PRKCE: variants seen among roughly 807,000 people sequenced by gnomAD.
PRKCE encodes protein kinase C epsilon.
PRKCE carries 16 observed loss-of-function variants against 85.4 expected under a neutral mutation model. The ratio of observed to expected loss-of-function variants is 0.19; its 90% CI spans 0.13 to 0.28. PRKCE has a LOEUF of 0.28. Among genes scored for constraint, PRKCE ranks in the 10% least tolerant of loss-of-function variants. PRKCE has a pLI of 1.00. For missense variants in PRKCE, 573 were observed against 975.2 expected (o/e 0.59, Z 5.49); for synonymous variants, 388 against 371.5 (o/e 1.04, Z -0.51).
In PRKCE at chr2:45,895,883, G is replaced by T. The variant is rs576230629; in HGVS notation, c.412+52820G>T. 5.9e-5 allele frequency among the ~76,000 whole-genome samples: 9 copies of T among 152,294 alleles called. No homozygotes were observed. The East Asian group carries it at 1.7e-3, about 29-fold the overall frequency. On this transcript the variant is annotated intron_variant, in intron 2 of 14. Transcript: ENST00000306156. This position sits in a 1 kb window ranked among gnomAD's most constrained non-coding sequence, Gnocchi z 4.8. ...GAAGGGTGGAGGATGCAGGCAAGGG[G>T]CTCCCAGAGGAGTTGGTGTCTGGGC... is the stretch of plus-strand genomic sequence containing the variant.
intron 11 of PRKCE, among the ~76,000 whole-genome samples, chr2:46,099,907 T>G (rs1356081064): frequency 6.6e-6 from 1 of 152,206 alleles, no homozygotes; most frequent in Non-Finnish European, 1.5e-5. Flanking sequence ...TTTTTAGTCT[T>G]CACAAGGTCT....
At chr2:46,111,758 C>T (rs1672275207) in intron 11 of PRKCE, among the ~76,000 whole-genome samples, 1 of 152,164 alleles carries the variant, frequency 6.6e-6, no homozygotes, top group South Asian at 2.1e-4. Context: ...TTGTTTCCAC[C>T]TGCTGCTGTA....
chr2:45,844,184 CA>C, intron 2 of PRKCE, among the ~76,000 whole-genome samples: 2 of 152,324 alleles, frequency 1.3e-5, no homozygotes, highest in East Asian at 3.9e-4. Context: ...CCAATCTCAA[CA>C]GGTATTCGGA....
At chr2:46,131,060 C>G (rs963494809) in intron 11 of PRKCE, among the ~76,000 whole-genome samples, 1 of 152,196 alleles carries the variant, frequency 6.6e-6, no homozygotes, top group Non-Finnish European at 1.5e-5. Context: ...ACAACCTGCT[C>G]TAGTGTGAGG....
At chr2:46,020,068 T>A (rs1012547301) in intron 10 of PRKCE, among the ~76,000 whole-genome samples, 1 of 152,098 alleles carries the variant, frequency 6.6e-6, no homozygotes, top group African/African-American at 2.4e-5. Flanking sequence ...CAGGCTGGTC[T>A]CGAACTCCTG....
intron 1 of PRKCE, among the ~76,000 whole-genome samples, chr2:45,677,654 T>C (rs893655041): frequency 1.3e-5 from 2 of 152,214 alleles, no homozygotes; most frequent in Admixed American, 6.5e-5. Flanking sequence ...AATAACCTGA[T>C]CAGATTCAAA....
chr2:45,979,020 A>G lies in PRKCE; in HGVS notation c.607+10A>G, dbSNP rs751286823. On this transcript the variant is annotated intron_variant, in intron 4 of 14. Transcript: ENST00000306156. ...GGATACCAGTGTCAAGGTAAGAGGC[A>G]TTTATGAATTAAATCTTCAGAGGCC... is the stretch of plus-strand genomic sequence containing the variant. 2 of 1,598,678 alleles carry G rather than the reference A, an allele frequency of 1.3e-6. No individual in the cohort carries two copies. The highest frequency in any genetic ancestry group is 1.7e-5 in the Admixed American group (1 of 59,996).
At chr2:45,936,539 GACATCCAAA>G (rs1699474665) in intron 2 of PRKCE, among the ~76,000 whole-genome samples, 1 of 152,080 alleles carries the variant, frequency 6.6e-6, no homozygotes, top group Non-Finnish European at 1.5e-5. Context: ...CGGGAGGCCC[GACATCCAAA>G]ACATTGACTA....
intron 2 of PRKCE, among the ~76,000 whole-genome samples, chr2:45,940,105 G>T (rs997567426): frequency 6.6e-6 from 1 of 152,126 alleles, no homozygotes; most frequent in Admixed American, 6.5e-5. Flanking sequence ...TCACTTACTG[G>T]TTCCTGAAAT....
chr2:45,793,824 G>C (rs1687209768), intron 1 of PRKCE, among the ~76,000 whole-genome samples: 2 of 152,182 alleles, frequency 1.3e-5, no homozygotes, highest in Admixed American at 6.5e-5. Flanking sequence ...ACAAGGACAG[G>C]GTCTCACACT....
At chr2:46,116,649 T>C (rs1574510555) in intron 11 of PRKCE, among the ~76,000 whole-genome samples, 1 of 152,234 alleles carries the variant, frequency 6.6e-6, no homozygotes, top group East Asian at 1.9e-4. Context: ...GCCAAGTTCA[T>C]GGTTTATACA....
intron 1 of PRKCE, among the ~76,000 whole-genome samples, chr2:45,794,813 G>T (rs1345049155): frequency 2.7e-5 from 4 of 150,466 alleles, no homozygotes; most frequent in Admixed American, 6.7e-5. Flanking sequence ...ATCACCTATA[G>T]AATCCTATGG....
At chr2:45,832,613 G>A (rs1299450119) in intron 1 of PRKCE, among the ~76,000 whole-genome samples, 2 of 152,124 alleles carry the variant, frequency 1.3e-5, no homozygotes, top group African/African-American at 2.4e-5. Flanking sequence ...ACCCGGCCAA[G>A]GAGCAACTTT....
At chr2:46,116,075 T>C (rs907108393) in intron 11 of PRKCE, among the ~76,000 whole-genome samples, 2 of 152,202 alleles carry the variant, frequency 1.3e-5, no homozygotes, top group Admixed American at 6.5e-5. Context: ...GGAGTGTGGG[T>C]ACAGATGTAA....
At chr2:45,875,270 C>T (rs573595974) in intron 2 of PRKCE, among the ~76,000 whole-genome samples, 7 of 152,340 alleles carry the variant, frequency 4.6e-5, no homozygotes, top group East Asian at 1.9e-4. Context: ...AAGGTTCAAC[C>T]AGCAATGTTA....
chr2:45,782,939 T>G (rs1438536743), intron 1 of PRKCE, among the ~76,000 whole-genome samples: 1 of 152,216 alleles, frequency 6.6e-6, no homozygotes, highest in Non-Finnish European at 1.5e-5. Context: ...TCCCCTCAGA[T>G]GACCTACTCA....
chr2:46,080,588 T>G (rs1668979121), intron 10 of PRKCE, among the ~76,000 whole-genome samples: 1 of 152,174 alleles, frequency 6.6e-6, no homozygotes, highest in East Asian at 1.9e-4. Context: ...CCTGGCTCAG[T>G]TCTAGTTGCT....
chr2:45,856,277 C>G (rs1692669003), intron 2 of PRKCE, among the ~76,000 whole-genome samples: 1 of 152,134 alleles, frequency 6.6e-6, no homozygotes, highest in Non-Finnish European at 1.5e-5. Context: ...GTCACCCAGG[C>G]TGGAGTGCAG....
chr2:46,085,744 TTTTTG>T (rs1252504248), intron 10 of PRKCE, among the ~76,000 whole-genome samples: 1 of 25,248 alleles, frequency 4.0e-5, no homozygotes, highest in Non-Finnish European at 1.1e-4. Context: ...CCGTTTTTTT[TTTTTG>T]TTTTTGTTTT....
Sources: gnomAD v4.1 joint callset for allele counts (sites outside exome capture counted in the v4.1 genomes callset) on GRCh38, gnomAD v4.1.1 for gene constraint, Gnocchi (gnomAD v3.1) non-coding constraint, MANE v1.5 for transcripts, NCBI Gene and HGNC (gene_info 2026-07-23, HGNC 2026-07-21) for gene names.